NFX1: variants seen among roughly 807,000 people sequenced by gnomAD.
NFX1 encodes transcriptional repressor NF-X1.
NFX1 carries 69 observed loss-of-function variants against 137.2 expected under a neutral mutation model. The ratio of observed to expected loss-of-function variants is 0.50; its 90% CI spans 0.41 to 0.61. The LOEUF is 0.61. NFX1 is among the 20% of genes least tolerant of loss of function. The pLI is 0.00. For missense variants in NFX1, 1,167 were observed against 1,391.0 expected (o/e 0.84, Z 2.56); for synonymous variants, 495 against 474.1 (o/e 1.04, Z -0.57).
chr9:33,332,998 A>G (rs1822866264), intron 11 of NFX1, among the ~76,000 whole-genome samples: 1 of 152,126 alleles, frequency 6.6e-6, no homozygotes, highest in Non-Finnish European at 1.5e-5. Flanking sequence ...GGTGTCCACC[A>G]CTACACCTGG....
chr9:33,369,409 A>G (rs948215863), intron 23 of NFX1, among the ~76,000 whole-genome samples: 1 of 152,174 alleles, frequency 6.6e-6, no homozygotes, highest in East Asian at 1.9e-4. Context: ...TTATTTTTGT[A>G]TAAAACTCTA....
chr9:33,313,578 G>T, intron 6 of NFX1, 76 bp from the exon 7 acceptor site: 3 of 1,463,784 alleles, frequency 2.0e-6, no homozygotes, highest in Non-Finnish European at 9.4e-7. Flanking sequence ...GGGAGAGTTA[G>T]GGGCCGCAGT....
At chr9:33,295,456 G>T (rs751530598) in intron 2 of NFX1, 29 bp downstream of exon 2, 4 of 1,565,836 alleles carry the variant, frequency 2.6e-6, no homozygotes, top group Non-Finnish European at 3.5e-6. Flanking sequence ...GAAATATTTT[G>T]TTGTCTTTTT....
rs755351291 is a variant in NFX1 at position 33,354,203 on chromosome 9, C to T, written c.2831+16C>T. On this transcript the variant is annotated intron_variant, in intron 18 of 23. Coordinates refer to ENST00000379540, the MANE Select transcript of NFX1 (RefSeq NM_002504.6). The stretch of plus-strand genomic sequence containing the variant: ...ATCAAGCCAGGTAATTTTTAAAATG[C>T]ATATATGTGCCTTCTTTCTTCAATT... 8 of 1,579,216 alleles carry T rather than the reference C, an allele frequency of 5.1e-6. No homozygotes were observed. The South Asian group carries it at 9.1e-5, about 18-fold the overall frequency.
At position 33,354,776 on chromosome 9, in the gene NFX1, G is replaced by A. The variant is rs552172976; in HGVS notation, c.2832-75G>A. 2.5e-4 allele frequency: 352 copies of A among 1,383,926 alleles called. 7 individuals carry two copies. The South Asian group carries it at 4.5e-3, about 18-fold the overall frequency. 85.7% of individuals were successfully genotyped at this position (1,383,926 alleles called of 1,614,324 possible). On this transcript the variant is annotated intron_variant, in intron 18 of 23. Coordinates refer to ENST00000379540, the MANE Select transcript of NFX1 (RefSeq NM_002504.6). ...TCAGCTGTGCTTCCAGGTTGACTGA[G>A]ACTTCCTTTTCTTGCTGGATGGGAG... is the stretch of plus-strand genomic sequence containing the variant.
At chr9:33,357,826 T>A (rs1037105873) in intron 19 of NFX1, among the ~76,000 whole-genome samples, 5 of 151,808 alleles carry the variant, frequency 3.3e-5, no homozygotes, top group African/African-American at 1.2e-4. Flanking sequence ...ATTATAAGCA[T>A]GAGTTACTGC....
At position 33,326,687 on chromosome 9, in the gene NFX1, C is replaced by G. The variant is rs139109481; in HGVS notation, c.1907-1894C>G. On this transcript the variant is annotated intron_variant, in intron 9 of 23. Transcript: ENST00000379540. Reference sequence around the variant, plus strand: ...TCAGCTATGATCATGCCACTGCATTCCAGCCTGAGTGACAAGAGTGGGACC... The same window carrying G: ...TCAGCTATGATCATGCCACTGCATTGCAGCCTGAGTGACAAGAGTGGGACC... Among the ~76,000 whole-genome samples the G allele has an allele frequency of 5.8e-3, 882 of 152,272 alleles. 11 individuals carry two copies. The highest frequency in any genetic ancestry group is 0.02 in the African/African-American group (815 of 41,550).
chr9:33,318,649 G>A (rs1036038151), intron 7 of NFX1, 82 bp from the exon 8 acceptor site: 7 of 1,330,670 alleles, frequency 5.3e-6, no homozygotes, highest in African/African-American at 2.9e-5. Context: ...CCCGCATTTT[G>A]TATTTTCTTA....
chr9:33,291,013 GTAGTT>G (rs1213974564), intron 1 of NFX1, among the ~76,000 whole-genome samples: 1 of 152,236 alleles, frequency 6.6e-6, no homozygotes, highest in Non-Finnish European at 1.5e-5. Context: ...CCGAATTCCA[GTAGTT>G]TAGAGTCTCA....
At chr9:33,316,957 T>C (rs981920783) in intron 7 of NFX1, among the ~76,000 whole-genome samples, 10 of 152,318 alleles carry the variant, frequency 6.6e-5, no homozygotes, top group African/African-American at 2.2e-4. Context: ...TTTGTTCTGT[T>C]TGAGCAGAAA....
intron 19 of NFX1, among the ~76,000 whole-genome samples, chr9:33,360,632 T>C (rs903607256): frequency 3.9e-5 from 6 of 152,194 alleles, no homozygotes; most frequent in African/African-American, 1.4e-4. Flanking sequence ...CACACATATA[T>C]ACACGCATAC....
At chr9:33,298,518 CTG>C (rs1821439642) in intron 2 of NFX1, among the ~76,000 whole-genome samples, 1 of 152,216 alleles carries the variant, frequency 6.6e-6, no homozygotes. Context: ...TGGCTCACAT[CTG>C]TAATCCCAGC....
intron 9 of NFX1, among the ~76,000 whole-genome samples, chr9:33,319,965 C>CTTTTTTTTTT (rs796293415): frequency 7.1e-6 from 1 of 140,214 alleles, no homozygotes; most frequent in Non-Finnish European, 1.6e-5. Context: ...CTTTTCTTTT[C>CTTTTTTTTTT]TTTTTTTTTT....
At chr9:33,352,550 C>T in intron 16 of NFX1, 96 bp from the exon 17 acceptor site, 2 of 1,060,798 alleles carry the variant, frequency 1.9e-6, no homozygotes, top group Non-Finnish European at 2.9e-6. Context: ...ACTCTCTAGT[C>T]TCTGCTATGG....
At chr9:33,304,791 A>C (rs138462832) in intron 4 of NFX1, among the ~76,000 whole-genome samples, 236 of 152,358 alleles carry the variant, frequency 1.5e-3, no homozygotes, top group Non-Finnish European at 2.8e-3. Flanking sequence ...TACTACCAGA[A>C]AGGCAGCATG....
At chr9:33,291,870 T>C (rs904093471) in intron 1 of NFX1, among the ~76,000 whole-genome samples, 4 of 152,174 alleles carry the variant, frequency 2.6e-5, no homozygotes, top group Admixed American at 6.5e-5. Flanking sequence ...GCCACTGCAC[T>C]CCAGCCTGGG....
intron 11 of NFX1, among the ~76,000 whole-genome samples, chr9:33,335,422 G>A (rs897640417): frequency 6.6e-6 from 1 of 151,654 alleles, no homozygotes; most frequent in Non-Finnish European, 1.5e-5. Flanking sequence ...TAGTAGAGAC[G>A]GGGTTTCACC....
chr9:33,322,030 G>A (rs920565581), intron 9 of NFX1, among the ~76,000 whole-genome samples: 12 of 151,236 alleles, frequency 7.9e-5, no homozygotes, highest in South Asian at 2.1e-4. Flanking sequence ...ATGAAACCCC[G>A]TCTCTACTAA....
intron 19 of NFX1, among the ~76,000 whole-genome samples, chr9:33,362,711 T>TC (rs1454184472): frequency 2.1e-5 from 3 of 144,840 alleles, no homozygotes; most frequent in Non-Finnish European, 3.0e-5. Context: ...TTTTTTTTTT[T>TC]TTTTTTTTTG....
Sources: allele counts gnomAD v4.1 joint callset (sites outside exome capture counted in the v4.1 genomes callset), GRCh38; gene constraint gnomAD v4.1.1; transcripts MANE v1.5; gene names NCBI Gene and HGNC (gene_info 2026-07-23, HGNC 2026-07-21).